Variants in VPS13B observed in about 807,000 individuals in gnomAD.
The protein encoded by VPS13B is vacuolar protein sorting 13 homolog B, also known as intermembrane lipid transfer protein VPS13B.
VPS13B carries 285 observed loss-of-function variants against 426.4 expected under a neutral mutation model. The ratio of observed to expected loss-of-function variants is 0.67; its 90% confidence interval spans 0.61 to 0.74. The LOEUF is 0.74. Among genes scored for constraint, VPS13B ranks in the 30% least tolerant of loss-of-function variants. The pLI, the probability that VPS13B is intolerant of heterozygous loss-of-function variation, is 0.00. For missense variants in VPS13B, 4,537 were observed against 4,782.6 expected, an observed-to-expected ratio of 0.95 and a Z score of 1.51; for synonymous variants, 1,676 against 1,676.4, an observed-to-expected ratio of 1.00 and a Z score of 0.01.
chr8:99,498,976 C>T (rs1821085039), intron 25 of VPS13B, among the ~76,000 whole-genome samples: 1 of 152,026 alleles, frequency 6.6e-6, no homozygotes, highest in African/African-American at 2.4e-5. Context: ...GATAGAGTAG[C>T]AATGGGGCCA....
intron 27 of VPS13B, among the ~76,000 whole-genome samples, chr8:99,504,412 G>A (rs917543285): frequency 2.6e-5 from 4 of 152,136 alleles, no homozygotes; most frequent in South Asian, 4.1e-4. Context: ...CTTACAGAAT[G>A]TATTTCTTAA....
chr8:99,646,670 GAAGGT>G (rs1829589079), intron 34 of VPS13B, among the ~76,000 whole-genome samples: 1 of 152,158 alleles, frequency 6.6e-6, no homozygotes, highest in Non-Finnish European at 1.5e-5. Context: ...TCTCAGTGTT[GAAGGT>G]AAGGCCTAGT....
chr8:99,183,500 G>A (rs1813059078), intron 16 of VPS13B, among the ~76,000 whole-genome samples: 1 of 152,052 alleles, frequency 6.6e-6, no homozygotes, highest in Non-Finnish European at 1.5e-5. Context: ...ATATCTTTTG[G>A]TATGTTAGAT....
chr8:99,509,557 A>G (rs1821677259), intron 28 of VPS13B, among the ~76,000 whole-genome samples: 3 of 152,214 alleles, frequency 2.0e-5, no homozygotes, highest in Admixed American at 1.3e-4. Context: ...AGGCAACAAA[A>G]TGAGAGGAAG....
chr8:99,642,160 C>T lies in VPS13B; in HGVS notation c.5570C>T (p.Ser1857Leu). ...KSSLNLPEVD[S>L]DVAKPNQACI... ...TCATTAAATCTCCCAGAAGTTGATT[C>T]AGATGTTGCTAAGCCCAACCAGGCA... Residue 1857 changes from serine (S) to leucine (L), a missense_variant, in exon 34 of 62, where the codon TCA becomes TTA. Physicochemically the swap from Ser to Leu is moderately radical, Grantham distance 145 (BLOSUM62 -2). Around this residue, in one of 2 missense-constraint regions of VPS13B, gnomAD observed 4,311 missense variants for 4,474.3 expected, o/e 0.96. Coordinates refer to ENST00000357162, the MANE Select transcript of VPS13B (RefSeq NM_152564.5). 6.2e-7 allele frequency: 1 copy of T among 1,614,078 alleles called. No homozygotes were observed. The highest frequency in any genetic ancestry group is 8.5e-7 in the Non-Finnish European group (1 of 1,180,020).
At chr8:99,564,805 A>T (rs146199004) in intron 31 of VPS13B, among the ~76,000 whole-genome samples, 10 of 152,368 alleles carry the variant, frequency 6.6e-5, no homozygotes, top group African/African-American at 2.4e-4. Context: ...GTCACAAAAA[A>T]TAGAGCTATG....
intron 3 of VPS13B, among the ~76,000 whole-genome samples, chr8:99,077,775 C>T (rs1411921039): frequency 2.6e-5 from 4 of 151,922 alleles, no homozygotes; most frequent in African/African-American, 9.7e-5. Context: ...ATGGCTCTTG[C>T]AGGAGTTGGA....
intron 3 of VPS13B, among the ~76,000 whole-genome samples, chr8:99,093,721 A>C (rs1215350685): frequency 6.6e-6 from 1 of 152,054 alleles, no homozygotes; most frequent in African/African-American, 2.4e-5. Context: ...ATCGTTTTTT[A>C]TGGCTGCATA....
intron 44 of VPS13B, among the ~76,000 whole-genome samples, chr8:99,813,510 C>T (rs1813843149): frequency 6.6e-6 from 1 of 152,210 alleles, no homozygotes; most frequent in Non-Finnish European, 1.5e-5. Context: ...GCTATGGCAT[C>T]ATAAGACTTA....
In VPS13B at chr8:99,848,790, T is replaced by G. The variant is rs560490673; in HGVS notation, c.9957T>G (p.Thr3319=). 2 of 1,614,122 alleles carry G rather than the reference T, an allele frequency of 1.2e-6. No individual in the cohort carries two copies. Among genetic ancestry groups the G allele is most frequent in the Non-Finnish European group, 8.5e-7 (1 of 1,179,972 alleles). ...TCTTTCTGCAGGTTGTGTTCCTGAC[T>G]GGCTTTGGCTATGTGTATGTGGATG... ...NSQGTQVVFL[T]GFGYVYVDVV... Residue 3319 remains threonine (T), a synonymous_variant, in exon 55 of 62, where the codon ACT becomes ACG. Transcript: ENST00000357162.
intron 58 of VPS13B, among the ~76,000 whole-genome samples, chr8:99,866,951 T>A (rs1475931735): frequency 6.6e-6 from 1 of 152,242 alleles, no homozygotes; most frequent in African/African-American, 2.4e-5. Context: ...CTCTGCTCAC[T>A]CTTGGCATTT....
chr8:99,326,303 C>T (rs1191451197), intron 19 of VPS13B, among the ~76,000 whole-genome samples: 1 of 151,930 alleles, frequency 6.6e-6, no homozygotes, highest in Non-Finnish European at 1.5e-5. Flanking sequence ...ATATGTGTAT[C>T]TTATTTCCCA....
intron 29 of VPS13B, among the ~76,000 whole-genome samples, chr8:99,514,216 A>T (rs1821940758): frequency 6.6e-6 from 1 of 152,192 alleles, no homozygotes; most frequent in African/African-American, 2.4e-5. Context: ...GTTTCCTTCT[A>T]AGGCAAAATT....
At chr8:99,671,891 C>G (rs1001069111) in intron 35 of VPS13B, among the ~76,000 whole-genome samples, 3 of 152,234 alleles carry the variant, frequency 2.0e-5, no homozygotes, top group African/African-American at 7.2e-5. Context: ...CATCCTTTCC[C>G]CATTTTGTGT....
Position 99,853,453 on chromosome 8 carries a change from C to T in VPS13B, c.10064C>T (p.Ala3355Val), listed in dbSNP as rs199931583. Residue 3355 changes from alanine to valine, a missense_variant and splice_region_variant, in exon 56 of 62, where the codon GCG (alanine) becomes GTG (valine). Physicochemically the swap from Ala to Val is moderately conservative, Grantham distance 64. This residue lies in a region of VPS13B where 4,311 missense variants were observed against 4,474.3 expected (regional missense o/e 0.96). Coordinates refer to ENST00000357162, the MANE Select transcript of VPS13B (RefSeq NM_152564.5). Reference sequence around the variant, plus strand: ...GTTCTTGTCCCTTTCTCCTCTAGAGCGCCAGAGAAGATTGTTACATTTAAA... The same window carrying T: ...GTTCTTGTCCCTTTCTCCTCTAGAGTGCCAGAGAAGATTGTTACATTTAAA... Reference protein sequence around the residue: ...AGPILTNTNRAPEKIVTFKMF... With the variant: ...AGPILTNTNRVPEKIVTFKMF... The T allele has an allele frequency of 3.7e-5, 59 of 1,614,084 alleles. 1 individual carries two copies. Among genetic ancestry groups the T allele is most frequent in the South Asian group, 3.3e-4 (30 of 91,040 alleles).
chr8:99,052,817 A>G (rs1257576655), intron 3 of VPS13B, among the ~76,000 whole-genome samples: 14 of 152,264 alleles, frequency 9.2e-5, no homozygotes, highest in African/African-American at 2.4e-4. Flanking sequence ...GTTTATTTGC[A>G]TAGAGATGTT....
chr8:99,826,593 C>G (rs1814698539), intron 51 of VPS13B, among the ~76,000 whole-genome samples: 1 of 152,196 alleles, frequency 6.6e-6, no homozygotes, highest in South Asian at 2.1e-4. Context: ...CTGGCCAGAA[C>G]TTCCAACACT....
At chr8:99,096,534 T>G in intron 4 of VPS13B, 102 bp downstream of exon 4, 1 of 1,514,790 alleles carries the variant, frequency 6.6e-7, no homozygotes, top group Non-Finnish European at 9.0e-7. Flanking sequence ...GGCGGGTGGA[T>G]TACTTGAGGT....
chr8:99,595,357 C>G (rs1004699741), intron 33 of VPS13B, among the ~76,000 whole-genome samples: 15 of 151,800 alleles, frequency 9.9e-5, no homozygotes, highest in African/African-American at 3.6e-4. Flanking sequence ...ACAAGGTAGT[C>G]TAGATCATTC....
Sources: gnomAD v4.1 joint callset for allele counts (sites outside exome capture counted in the v4.1 genomes callset) on GRCh38, gnomAD v4.1.1 for gene constraint, gnomAD v4.1.1 regional missense constraint, MANE v1.5 for transcripts, NCBI Gene and HGNC (gene_info 2026-07-23, HGNC 2026-07-21) for gene names.